Variants in S100Z observed in about 807,000 individuals in gnomAD.
The protein encoded by S100Z is protein S100-Z.
A neutral mutation model predicts 8.5 loss-of-function variants in S100Z; 11 were observed. The ratio of observed to expected loss-of-function variants is 1.30; its 90% CI spans 0.82 to 2.15. The LOEUF (loss-of-function observed/expected upper bound fraction) is 2.15. S100Z is among the 30% of genes most tolerant of loss of function. The pLI is 0.00. For missense variants in S100Z, 126 were observed against 117.9 expected, an observed-to-expected ratio of 1.07 and a Z score of -0.32; for synonymous variants, 34 against 43.8, an observed-to-expected ratio of 0.78 and a Z score of 0.89.
rs548200663 is a variant in S100Z, at chr5:76,880,463, G to A, written c.*2+2629G>A. Among the ~76,000 whole-genome samples the A allele has an allele frequency of 4.6e-5, 7 of 152,326 alleles. No individual in the cohort carries two copies. The South Asian group carries it at 1.5e-3, about 32-fold the overall frequency. The stretch of plus-strand genomic sequence containing the variant: ...CTCAGGGCTGCTTCGAGCAGGATTA[G>A]GGGTGACGTGGGAACCTAGAGTGGG... On this transcript the variant is annotated intron_variant, in intron 4 of 4. Transcript: ENST00000317593.
At chr5:76,910,387 G>A (rs1371017376) in intron 4 of S100Z, among the ~76,000 whole-genome samples, 1 of 152,152 alleles carries the variant, frequency 6.6e-6, no homozygotes, top group Non-Finnish European at 1.5e-5. Flanking sequence ...GGGACCAAGA[G>A]GAAGAGGCCC....
intron 4 of S100Z, among the ~76,000 whole-genome samples, chr5:76,900,851 C>A (rs528742308): frequency 8.4e-4 from 127 of 150,432 alleles, no homozygotes; most frequent in African/African-American, 3.0e-3. Context: ...ACTGTCTGGG[C>A]TTATTTGCAG....
chr5:76,909,540 C>A (rs1744576130), intron 4 of S100Z, among the ~76,000 whole-genome samples: 1 of 152,116 alleles, frequency 6.6e-6, no homozygotes, highest in African/African-American at 2.4e-5. Context: ...TACAGGAGGA[C>A]CTCTCAGCTT....
At chr5:76,880,174 C>T (rs1334278487) in intron 4 of S100Z, among the ~76,000 whole-genome samples, 1 of 152,060 alleles carries the variant, frequency 6.6e-6, no homozygotes, top group African/African-American at 2.4e-5. Flanking sequence ...GTACATTGAT[C>T]AGTTAGGGTG....
chr5:76,875,307 C>T lies in S100Z; in HGVS notation c.-53C>T. The T allele has an allele frequency of 6.5e-7, 1 of 1,547,838 alleles. No homozygotes were observed. The highest frequency in any genetic ancestry group is 8.7e-7 in the Non-Finnish European group (1 of 1,144,082). On this transcript the variant is annotated 5_prime_UTR_variant, in exon 3 of 5. Transcript: ENST00000317593. ...TCATCTGTTTATTCTGAACAAGTGT[C>T]TTCTCCCCGGGTTTGGTGGCCTGCT...
In S100Z at chr5:76,862,780, C is replaced by T. The variant is rs146495066; in HGVS notation, c.-175-7386C>T. Among the ~76,000 whole-genome samples, 903 of 152,062 alleles carry T rather than the reference C, an allele frequency of 5.9e-3. 9 individuals are homozygous for T. Among genetic ancestry groups the T allele is most frequent in the African/African-American group, 0.021 (858 of 41,478 alleles). On this transcript the variant is annotated intron_variant, in intron 1 of 4. Transcript: ENST00000317593. The stretch of plus-strand genomic sequence containing the variant: ...TCAAGCCACTCCACTCCAGCCTGGG[C>T]GACAGAGTGAGACTTGTGACCCCAT...
At chr5:76,874,679 A>G (rs1743116591) in intron 2 of S100Z, among the ~76,000 whole-genome samples, 1 of 151,636 alleles carries the variant, frequency 6.6e-6, no homozygotes, top group African/African-American at 2.4e-5. Flanking sequence ...ACAGGTAGGT[A>G]TTTTCCTTCC....
intron 4 of S100Z, among the ~76,000 whole-genome samples, chr5:76,916,053 T>G (rs1248149694): frequency 2.0e-5 from 3 of 149,960 alleles, no homozygotes; most frequent in Non-Finnish European, 4.4e-5. Context: ...CCCAGCTACC[T>G]GGGAGGCTGA....
chr5:76,908,152 GTCTC>G, intron 4 of S100Z, among the ~76,000 whole-genome samples: 1 of 152,178 alleles, frequency 6.6e-6, no homozygotes, highest in East Asian at 1.9e-4. Context: ...ATAATCAAAG[GTCTC>G]TCTAACAACC....
At chr5:76,915,625 AAAAAAT>A (rs1341866905) in intron 4 of S100Z, among the ~76,000 whole-genome samples, 1 of 151,876 alleles carries the variant, frequency 6.6e-6, no homozygotes, top group Non-Finnish European at 1.5e-5. Context: ...ATAAATAAAT[AAAAAAT>A]AAAAATAAAT....
chr5:76,888,256 CAAAAAAAAGAA>C (rs2150657527), intron 4 of S100Z, among the ~76,000 whole-genome samples: 1 of 99,360 alleles, frequency 1.0e-5, no homozygotes, highest in South Asian at 3.4e-4. Context: ...GACTCCATCT[CAAAAAAAAGAA>C]AAAAAAAAGG....
the S100Z span, among the ~76,000 whole-genome samples, chr5:76,949,137 C>T: frequency 6.6e-6 from 1 of 152,156 alleles, no homozygotes; most frequent in Admixed American, 6.6e-5. Context: ...GCCTGTAATC[C>T]CAGCACTTTG....
At chr5:76,922,712 A>G (rs1281467237), downstream of S100Z, among the ~76,000 whole-genome samples, 1 of 151,998 alleles carries the variant, frequency 6.6e-6, no homozygotes, top group Non-Finnish European at 1.5e-5. Flanking sequence ...TTTAGTAGAG[A>G]TGGGGTTTCA....
chr5:76,921,507 C>T lies in S100Z; in HGVS notation c.*793C>T, dbSNP rs756512125. On this transcript the variant is annotated 3_prime_UTR_variant, in exon 5 of 5. Transcript: ENST00000317593. ...TCCTTCCTTTCTTTGTGAGAGTTAA[C>T]GATTATTTAAAAGTATTCATAATTT... 1 of 152,036 alleles carries T rather than the reference C, an allele frequency of 6.6e-6. No individual in the cohort carries two copies. The highest frequency in any genetic ancestry group is 1.5e-5 in the Non-Finnish European group (1 of 68,012). 9.4% of individuals were successfully genotyped at this position (152,036 alleles called of 1,614,324 possible). A position where few individuals can be genotyped will look rare whatever the true frequency, so the allele number is the denominator to read the frequency against.
At chr5:76,909,050 G>A (rs955376579) in intron 4 of S100Z, among the ~76,000 whole-genome samples, 5 of 152,104 alleles carry the variant, frequency 3.3e-5, no homozygotes, top group African/African-American at 1.2e-4. Context: ...GTTGGTAAGC[G>A]CAACTATTCC....
intron 4 of S100Z, among the ~76,000 whole-genome samples, chr5:76,880,405 G>T (rs1438963201): frequency 2.6e-5 from 4 of 152,102 alleles, no homozygotes; most frequent in African/African-American, 7.2e-5. Flanking sequence ...GAAAGTTTTT[G>T]GGGGTGGTAT....
intron 2 of S100Z, among the ~76,000 whole-genome samples, chr5:76,872,545 C>T (rs1170677675): frequency 1.3e-5 from 2 of 151,930 alleles, no homozygotes; most frequent in Admixed American, 6.6e-5. Context: ...CCTGTTGTCC[C>T]AGCTACTCAG....
At chr5:76,884,535 AT>A (rs1262591613) in intron 4 of S100Z, among the ~76,000 whole-genome samples, 8 of 152,188 alleles carry the variant, frequency 5.3e-5, no homozygotes, top group Non-Finnish European at 1.2e-4. Context: ...AGATATCGGA[AT>A]TCCTGTATAT....
intron 4 of S100Z, among the ~76,000 whole-genome samples, chr5:76,915,133 G>A (rs1177378765): frequency 4.7e-5 from 7 of 150,128 alleles, no homozygotes; most frequent in South Asian, 2.1e-4. Context: ...GTGAAACCCC[G>A]TCTCTACTGA....
Sources: allele counts gnomAD v4.1 joint callset (sites outside exome capture counted in the v4.1 genomes callset), GRCh38; gene constraint gnomAD v4.1.1; transcripts MANE v1.5; gene names NCBI Gene and HGNC (gene_info 2026-07-23, HGNC 2026-07-21).